Variants in BRSK2 observed in about 807,000 individuals in gnomAD.
BRSK2 encodes BR serine/threonine kinase 2, also known as serine/threonine-protein kinase BRSK2.
A neutral mutation model predicts 83.3 loss-of-function variants in BRSK2; 19 were observed. The ratio of observed to expected loss-of-function variants is 0.23; its 90% CI spans 0.16 to 0.33. The LOEUF is 0.33. BRSK2 is among the 10% of genes least tolerant of loss of function. BRSK2 has a pLI of 1.00. For missense variants in BRSK2, 798 were observed against 1,042.3 expected (o/e 0.77, Z 3.23); for synonymous variants, 519 against 435.4 (o/e 1.19, Z -2.39).
chr11:1,391,145 C>T (rs945234380), intron 1 of BRSK2, among the ~76,000 whole-genome samples: 3 of 152,236 alleles, frequency 2.0e-5, no homozygotes, highest in Non-Finnish European at 4.4e-5. Flanking sequence ...CCCAGCTACC[C>T]TCGCATGTGG....
intron 9 of BRSK2, 35 bp downstream of exon 9, chr11:1,445,037 T>G: frequency 6.2e-7 from 1 of 1,605,432 alleles, no homozygotes; most frequent in Non-Finnish European, 8.5e-7. Context: ...TCGCCTGCTT[T>G]GCCTGTTGCT....
At position 1,456,421 on chromosome 11, in the gene BRSK2, C is replaced by T; in HGVS notation, c.1742C>T (p.Ala581Val). The T allele has an allele frequency of 6.3e-7, 1 of 1,598,882 alleles. No individual in the cohort carries two copies. The highest frequency in any genetic ancestry group is 1.1e-5 in the South Asian group (1 of 88,772). The change falls in exon 17 of 20, where the codon GCC (alanine) becomes GTC (valine). Residue 581 changes from alanine to valine, a missense_variant. Ala to Val is a moderately conservative substitution (Grantham distance 64). Around this residue, in one of 6 missense-constraint regions of BRSK2, gnomAD observed 455 missense variants for 455.2 expected, o/e 1.00. Coordinates refer to ENST00000528841, the MANE Select transcript of BRSK2 (RefSeq NM_001256627.2). ...RAEYKATGGP[A>V]VFQKPVKFQV... ...GAGTACAAGGCCACGGGGGGGCCAG[C>T]CGTGTTCCAGAAGCCGGTCAAGTTC...
intron 1 of BRSK2, among the ~76,000 whole-genome samples, chr11:1,419,118 C>T (rs569256098): frequency 7.4e-5 from 11 of 148,704 alleles, no homozygotes; most frequent in South Asian, 2.1e-4. Flanking sequence ...TCTGCAGGTG[C>T]GTGTCAGGTG....
At position 1,394,710 on chromosome 11, in the gene BRSK2, C is replaced by G. The variant is rs187077468; in HGVS notation, c.91+4335C>G. ...CTGGAGATGGGTCCTGGAGATGGGTCCCTGGAGATGGGCCATGGAGATGGG... is the reference window on the plus strand; with the variant it reads ...CTGGAGATGGGTCCTGGAGATGGGTGCCTGGAGATGGGCCATGGAGATGGG... On this transcript the variant is annotated intron_variant, in intron 1 of 19. Coordinates refer to ENST00000528841, the MANE Select transcript of BRSK2 (RefSeq NM_001256627.2). Among the ~76,000 whole-genome samples the G allele has an allele frequency of 3.5e-4, 42 of 121,492 alleles. 2 individuals are homozygous for G. The East Asian group carries it at 0.011, about 33-fold the overall frequency. 79.7% of individuals were successfully genotyped at this position (121,492 alleles called of 152,430 possible). A position where few individuals can be genotyped will look rare whatever the true frequency, so the allele number is the denominator to read the frequency against.
At chr11:1,439,009 C>T (rs1222436037) in intron 3 of BRSK2, among the ~76,000 whole-genome samples, 2 of 152,190 alleles carry the variant, frequency 1.3e-5, no homozygotes, top group African/African-American at 4.8e-5. Context: ...CCTCTGTGTG[C>T]TCTGATGGGG....
At chr11:1,445,113 C>A in intron 9 of BRSK2, 111 bp downstream of exon 9, 1 of 1,511,976 alleles carries the variant, frequency 6.6e-7, no homozygotes, top group Admixed American at 1.7e-5. Flanking sequence ...TCCTGCCCTG[C>A]CTTGGCCCTC....
chr11:1,434,855 G>A (rs948289873), intron 1 of BRSK2, among the ~76,000 whole-genome samples: 1 of 152,158 alleles, frequency 6.6e-6, no homozygotes, highest in African/African-American at 2.4e-5. Flanking sequence ...GTAGGAAAGG[G>A]CCTGGGTTGT....
intron 3 of BRSK2, among the ~76,000 whole-genome samples, chr11:1,440,315 C>T (rs939994413): frequency 2.0e-5 from 3 of 152,320 alleles, no homozygotes; most frequent in African/African-American, 4.8e-5. Flanking sequence ...CTGTTCCCCC[C>T]ACAGAGGCCC....
chr11:1,422,115 G>C (rs1341673695), intron 1 of BRSK2, among the ~76,000 whole-genome samples: 1 of 152,142 alleles, frequency 6.6e-6, no homozygotes, highest in East Asian at 1.9e-4. Flanking sequence ...TGTGTGTCGG[G>C]TGAGAGCCCA....
chr11:1,454,640 AG>A lies in BRSK2; in HGVS notation c.1668+33del. On this transcript the variant is annotated intron_variant, in intron 16 of 19. Transcript: ENST00000528841. This position sits in a 1 kb window ranked among gnomAD's most constrained non-coding sequence, Gnocchi z 5.2. ...CCACAGGGCGCTGGGGGAGGCGGGC[AG>A]CCCTCCCAACCCCACACGGCCCAGC... 1.2e-6 allele frequency: 2 copies of A among 1,610,296 alleles called. No individual in the cohort carries two copies. Among genetic ancestry groups the A allele is most frequent in the Non-Finnish European group, 1.7e-6 (2 of 1,179,192 alleles).
chr11:1,448,283 G>A (rs1423280548), intron 12 of BRSK2, among the ~76,000 whole-genome samples: 3 of 152,200 alleles, frequency 2.0e-5, no homozygotes, highest in Non-Finnish European at 4.4e-5. Flanking sequence ...CCGTCAAGAG[G>A]GGCCTCTACC....
At chr11:1,427,734 A>C (rs946067063) in intron 1 of BRSK2, among the ~76,000 whole-genome samples, 1 of 152,188 alleles carries the variant, frequency 6.6e-6, no homozygotes, top group East Asian at 1.9e-4. Flanking sequence ...ATGGACTCTC[A>C]ATTGGAAAAT....
chr11:1,412,057 C>A (rs1847581295), intron 1 of BRSK2, among the ~76,000 whole-genome samples: 1 of 14,970 alleles, frequency 6.7e-5, no homozygotes, highest in Non-Finnish European at 1.4e-4. Context: ...CTCAGCTGCG[C>A]CGCCCCGTCC....
At position 1,390,306 on chromosome 11, in the gene BRSK2, G is replaced by T; in HGVS notation, c.22G>T (p.Gly8Cys). 9.6e-7 allele frequency: 1 copy of T among 1,041,190 alleles called. No homozygotes were observed. The highest frequency in any genetic ancestry group is 1.2e-6 in the Non-Finnish European group (1 of 856,720). The allele number at this position is 1,041,190 out of a possible 1,614,324, so 64.5% of individuals were successfully genotyped here. A position where few individuals can be genotyped will look rare whatever the true frequency, so the allele number is the denominator to read the frequency against. ...AGCGATGACATCGACGGGGAAGGAC[G>T]GCGGCGCGCAGCACGCGCAGTATGT... The part of the protein sequence containing the change: MTSTGKD[G>C]GAQHAQYVGP... Residue 8 changes from glycine to cysteine, a missense_variant, in exon 1 of 20, where the codon GGC becomes TGC. Physicochemically the swap from Gly to Cys is radical, Grantham distance 159 (BLOSUM62 -3). This residue lies in a region of BRSK2 where 33 missense variants were observed against 30.8 expected (regional missense o/e 1.07). Coordinates refer to ENST00000528841, the MANE Select transcript of BRSK2 (RefSeq NM_001256627.2). This position sits in a 1 kb window ranked among gnomAD's most constrained non-coding sequence, Gnocchi z 6.8.
intron 1 of BRSK2, among the ~76,000 whole-genome samples, chr11:1,402,720 G>T (rs921301348): frequency 9.2e-5 from 14 of 152,192 alleles, no homozygotes; most frequent in Non-Finnish European, 8.8e-5. Flanking sequence ...GGCCACTGAG[G>T]CCCACAGCCC....
intron 18 of BRSK2, 70 bp from the exon 19 acceptor site, chr11:1,459,122 G>C: frequency 6.6e-7 from 1 of 1,508,656 alleles, no homozygotes; most frequent in Non-Finnish European, 9.2e-7. Flanking sequence ...GAGGCTGTGG[G>C]CGTCCAGCCA....
At chr11:1,393,246 C>T (rs1209562776) in intron 1 of BRSK2, among the ~76,000 whole-genome samples, 4 of 135,934 alleles carry the variant, frequency 2.9e-5, no homozygotes, top group Non-Finnish European at 4.9e-5. Context: ...TTTGTCCCTG[C>T]GCGCCTTTGT....
At chr11:1,421,121 C>A (rs1366373779) in intron 1 of BRSK2, among the ~76,000 whole-genome samples, 1 of 152,194 alleles carries the variant, frequency 6.6e-6, no homozygotes, top group African/African-American at 2.4e-5. Context: ...CCCTGGGCCT[C>A]CTCCTGGTAC....
At chr11:1,427,221 CCCT>C (rs1387686021) in intron 1 of BRSK2, among the ~76,000 whole-genome samples, 1 of 152,148 alleles carries the variant, frequency 6.6e-6, no homozygotes, top group Non-Finnish European at 1.5e-5. Flanking sequence ...AAAGTGCCAG[CCCT>C]CCTGGCACAA....
Sources: gnomAD v4.1 joint callset for allele counts (sites outside exome capture counted in the v4.1 genomes callset) on GRCh38, gnomAD v4.1.1 for gene constraint, gnomAD v4.1.1 regional missense constraint, Gnocchi (gnomAD v3.1) non-coding constraint, MANE v1.5 for transcripts, NCBI Gene and HGNC (gene_info 2026-07-23, HGNC 2026-07-21) for gene names.